ADM: variants seen among roughly 807,000 people sequenced by gnomAD.
ADM encodes the protein adrenomedullin.
ADM carries 4 observed loss-of-function variants against 9.0 expected under a neutral mutation model. That is an observed-to-expected ratio of 0.44 (90% CI 0.22 to 1.02). ADM has a LOEUF of 1.02. ADM is among the 50% of genes least tolerant of loss of function. The pLI is 0.24. For synonymous variants in ADM, 107 were observed against 107.2 expected (o/e 1.00, Z 0.01); for missense variants, 253 against 254.1 (o/e 1.00, Z 0.03).
rs1964640374 is a variant in ADM at position 10,305,217 on chromosome 11, ACTCT to A, written c.-31_-28del. The A allele has an allele frequency of 6.1e-6, 1 of 165,218 alleles. No individual in the cohort carries two copies. The highest frequency in any genetic ancestry group is 2.4e-5 in the African/African-American group (1 of 41,416). The allele number at this position is 165,218 out of a possible 1,614,324, so 10.2% of individuals were successfully genotyped here. ...TTCTCCTTCAAGTACTTGGCAGATCACTCTCTTAGCAGGTAGGTGCCGCAGACCC... is the reference window on the plus strand; with the variant it reads ...TTCTCCTTCAAGTACTTGGCAGATCACTTAGCAGGTAGGTGCCGCAGACCC... On this transcript the variant is annotated 5_prime_UTR_variant, in exon 1 of 4. Coordinates refer to ENST00000278175, the MANE Select transcript of ADM (RefSeq NM_001124.3).
chr11:10,305,335 T>C (rs1468482307), intron 1 of ADM, 106 bp downstream of exon 1: 1 of 252,120 alleles, frequency 4.0e-6, no homozygotes, highest in Admixed American at 5.0e-5. Flanking sequence ...CTTTGGAGGG[T>C]TCTCTGAGAG....
chr11:10,306,913 C>A lies in ADM; in HGVS notation c.*272C>A, dbSNP rs1964667340. The A allele has an allele frequency of 5.5e-6, 2 of 361,940 alleles. No individual in the cohort carries two copies. The allele number at this position is 361,940 out of a possible 1,614,324, so 22.4% of individuals were successfully genotyped here. A position where few individuals can be genotyped will look rare whatever the true frequency, so the allele number is the denominator to read the frequency against. On this transcript the variant is annotated 3_prime_UTR_variant, in exon 4 of 4. Transcript: ENST00000278175. ...TTGCCAGGCTTAAGGAGAGGAGAAA[C>A]TGAGAAATGAATGCTGAGACCCCCG...
chr11:10,306,311 T>TCCCCCTC, intron 3 of ADM, 21 bp from the exon 4 acceptor site: 1 of 1,543,790 alleles, frequency 6.5e-7, no homozygotes, highest in Non-Finnish European at 8.9e-7. Context: ...TTGCCTTTCT[T>TCCCCCTC]CCCCCTCCCC....
Position 10,305,244 on chromosome 11 carries a change from C to A in ADM, c.-22+15C>A, listed in dbSNP as rs1275889210. 2.9e-5 allele frequency: 5 copies of A among 173,414 alleles called. No homozygotes were observed. Among genetic ancestry groups the A allele is most frequent in the African/African-American group, 1.2e-4 (5 of 41,610 alleles). 10.7% of individuals were successfully genotyped at this position (173,414 alleles called of 1,614,324 possible). A position where few individuals can be genotyped will look rare whatever the true frequency, so the allele number is the denominator to read the frequency against. ...TCTCTTAGCAGGTAGGTGCCGCAGA[C>A]CCTGCGGGTTAAGAGGTGGGGTGGG... On this transcript the variant is annotated intron_variant, in intron 1 of 3. Coordinates refer to ENST00000278175, the MANE Select transcript of ADM (RefSeq NM_001124.3).
Position 10,306,317 on chromosome 11 carries a change from T to TGGGGGG in ADM, c.249-15_249-14insGGGGGG. ...GGTCTCAAGTTGCCTTTCTTCCCCC[T>TGGGGGG]CCCCCCGCCCGCAGCAGTCCGGATG... On this transcript the variant is annotated splice_polypyrimidine_tract_variant and intron_variant, in intron 3 of 3. Coordinates refer to ENST00000278175, the MANE Select transcript of ADM (RefSeq NM_001124.3). The TGGGGGG allele has an allele frequency of 2.2e-4, 139 of 634,688 alleles. No individual in the cohort carries two copies. The highest frequency in any genetic ancestry group is 3.1e-4 in the Non-Finnish European group (129 of 409,826). 39.3% of individuals were successfully genotyped at this position (634,688 alleles called of 1,614,324 possible). A position where few individuals can be genotyped will look rare whatever the true frequency, so the allele number is the denominator to read the frequency against.
At chr11:10,306,236 T>G in intron 3 of ADM, 96 bp from the exon 4 acceptor site, 1 of 1,543,732 alleles carries the variant, frequency 6.5e-7, no homozygotes, top group East Asian at 2.3e-5. Context: ...TCCAGCTCCC[T>G]CTGGCTCTAG....
In ADM at chr11:10,306,333, A is replaced by G; in HGVS notation, c.250A>G (p.Ser84Gly). The change falls in exon 4 of 4, where the codon AGT becomes GGT. Residue 84 changes from serine (S) to glycine (G), a missense_variant and splice_region_variant. Coordinates refer to ENST00000278175, the MANE Select transcript of ADM (RefSeq NM_001124.3). ...TCTTCCCCCTCCCCCCGCCCGCAGC[A>G]GTCCGGATGCCGCCCGCATCCGAGT... is the stretch of plus-strand genomic sequence containing the variant. ...KGASRSPEDS[S>G]PDAARIRVKR... 1.2e-6 allele frequency: 1 copy of G among 847,842 alleles called. No individual in the cohort carries two copies. Among genetic ancestry groups the G allele is most frequent in the Non-Finnish European group, 1.7e-6 (1 of 583,936 alleles). The allele number at this position is 847,842 out of a possible 1,614,324, so 52.5% of individuals were successfully genotyped here.
At chr11:10,306,221 C>G in intron 3 of ADM, 111 bp from the exon 4 acceptor site, 2 of 1,531,208 alleles carry the variant, frequency 1.3e-6, no homozygotes, top group Middle Eastern at 1.7e-4. Flanking sequence ...ATGGCGCGAG[C>G]AGTTTCCAGC....
Position 10,306,787 on chromosome 11 carries a change from G to C in ADM, c.*146G>C, listed in dbSNP as rs571734375. ...TCCGGGAGGCACCGTCCGGCGGCGA[G>C]CTCTGGCTTTGCAAGGGCCCCTCCT... On this transcript the variant is annotated 3_prime_UTR_variant, in exon 4 of 4. Transcript: ENST00000278175. 4 of 804,230 alleles carry C rather than the reference G, an allele frequency of 5.0e-6. No homozygotes were observed. The highest frequency in any genetic ancestry group is 7.3e-6 in the Non-Finnish European group (4 of 546,214). The allele number at this position is 804,230 out of a possible 1,614,324, so 49.8% of individuals were successfully genotyped here.
rs2133661744 is a variant in ADM at position 10,307,313 on chromosome 11, A to G, written c.*672A>G. 6.5e-6 allele frequency: 1 copy of G among 152,790 alleles called. No homozygotes were observed. The highest frequency in any genetic ancestry group is 2.4e-5 in the African/African-American group (1 of 41,582). The allele number at this position is 152,790 out of a possible 1,614,324, so 9.5% of individuals were successfully genotyped here. A position where few individuals can be genotyped will look rare whatever the true frequency, so the allele number is the denominator to read the frequency against. On this transcript the variant is annotated 3_prime_UTR_variant, in exon 4 of 4. Coordinates refer to ENST00000278175, the MANE Select transcript of ADM (RefSeq NM_001124.3). This position sits in a 1 kb window ranked among gnomAD's most constrained non-coding sequence, Gnocchi z 4.5. ...AGACTGATTACCTCCTGTGTGGAAG[A>G]AGGAAACACCGAGTCTCTGTATAAT...
Position 10,306,603 on chromosome 11 carries a change from C to G in ADM, c.520C>G (p.Pro174Ala), listed in dbSNP as rs781336657. The change falls in exon 4 of 4, where the codon CCA (proline) becomes GCA (alanine). Residue 174 changes from proline (P) to alanine (A), a missense_variant. Physicochemically the swap from Pro to Ala is conservative, Grantham distance 27. Transcript: ENST00000278175. ...VSSKPQAHGA[P>A]APPSGSAPHF... is the part of the protein sequence containing the mutation. ...TTCTAAGCCACAAGCACACGGGGCT[C>G]CAGCCCCCCCGAGTGGAAGTGCTCC... 4.4e-6 allele frequency: 7 copies of G among 1,575,406 alleles called. No individual in the cohort carries two copies. In the South Asian group the frequency reaches 6.9e-5, roughly 16 times the overall value.
At position 10,306,379 on chromosome 11, in the gene ADM, T is replaced by G. The variant is rs777250833; in HGVS notation, c.296T>G (p.Met99Arg). ...CGAGTCAAGCGCTACCGCCAGAGCA[T>G]GAACAACTTCCAGGGCCTCCGGAGC... Reference protein sequence around the residue: ...RIRVKRYRQSMNNFQGLRSFG... With the variant: ...RIRVKRYRQSRNNFQGLRSFG... Residue 99 changes from methionine to arginine, a missense_variant, in exon 4 of 4, where the codon ATG becomes AGG. Met to Arg is a moderately conservative substitution (Grantham distance 91). Coordinates refer to ENST00000278175, the MANE Select transcript of ADM (RefSeq NM_001124.3). 1.4e-6 allele frequency: 2 copies of G among 1,415,898 alleles called. No individual in the cohort carries two copies. The highest frequency in any genetic ancestry group is 2.3e-5 in the South Asian group (2 of 88,488). 87.7% of individuals were successfully genotyped at this position (1,415,898 alleles called of 1,614,324 possible). A position where few individuals can be genotyped will look rare whatever the true frequency, so the allele number is the denominator to read the frequency against.
Position 10,306,719 on chromosome 11 carries a change from C to A in ADM, c.*78C>A. ...CTCCCGGGACGAAGGACTTCCCGAG[C>A]GGTGTGGGGACCGGGCTCTGACAGC... On this transcript the variant is annotated 3_prime_UTR_variant, in exon 4 of 4. Transcript: ENST00000278175. The A allele has an allele frequency of 7.1e-7, 1 of 1,418,132 alleles. No individual in the cohort carries two copies. The highest frequency in any genetic ancestry group is 9.4e-7 in the Non-Finnish European group (1 of 1,060,328). The allele number at this position is 1,418,132 out of a possible 1,614,324, so 87.8% of individuals were successfully genotyped here. A position where few individuals can be genotyped will look rare whatever the true frequency, so the allele number is the denominator to read the frequency against.
chr11:10,306,201 C>G (rs775665147), intron 3 of ADM, 103 bp downstream of exon 3: 19 of 1,541,998 alleles, frequency 1.2e-5, no homozygotes, highest in Non-Finnish European at 1.7e-5. Context: ...GGGGCTGGAC[C>G]GCAGCTCAGA....
rs371681360 is a variant in ADM at position 10,306,499 on chromosome 11, G to A, written c.416G>A (p.Ser139Asn). Residue 139 changes from serine to asparagine, a missense_variant, in exon 4 of 4, where the codon AGC becomes AAC. By Grantham distance (46) the Ser-to-Asn change is conservative. Coordinates refer to ENST00000278175, the MANE Select transcript of ADM (RefSeq NM_001124.3). ...GACAAGGACAACGTCGCCCCCAGGA[G>A]CAAGATCAGCCCCCAGGGCTACGGC... ...DKDKDNVAPR[S>N]KISPQGYGRR... 27 of 1,611,786 alleles carry A rather than the reference G, an allele frequency of 1.7e-5. No homozygotes were observed. Among genetic ancestry groups the A allele is most frequent in the East Asian group, 1.3e-4 (6 of 44,824 alleles).
chr11:10,306,312 C>CGGGCGCG lies in ADM; in HGVS notation c.249-20_249-19insGGGCGCG. The stretch of plus-strand genomic sequence containing the variant: ...GATGGGGTCTCAAGTTGCCTTTCTT[C>CGGGCGCG]CCCCTCCCCCCGCCCGCAGCAGTCC... On this transcript the variant is annotated intron_variant, in intron 3 of 3. Transcript: ENST00000278175. 1 of 705,914 alleles carries CGGGCGCG rather than the reference C, an allele frequency of 1.4e-6. No homozygotes were observed. The highest frequency in any genetic ancestry group is 2.3e-6 in the Non-Finnish European group (1 of 429,190). 43.7% of individuals were successfully genotyped at this position (705,914 alleles called of 1,614,324 possible).
chr11:10,305,327 T>G, intron 1 of ADM, 98 bp downstream of exon 1: 1 of 230,342 alleles, frequency 4.3e-6, no homozygotes, highest in Non-Finnish European at 8.7e-6. Context: ...ACAACCCACT[T>G]TGGAGGGTTC....
chr11:10,306,153 A>C, intron 3 of ADM, 55 bp downstream of exon 3: 1 of 1,595,756 alleles, frequency 6.3e-7, no homozygotes, highest in Non-Finnish European at 8.5e-7. Flanking sequence ...GTGCGGGAGG[A>C]GTTCTCTGTC....
Position 10,305,992 on chromosome 11 carries a change from A to G in ADM, c.142A>G (p.Met48Val). Residue 48 changes from methionine (M) to valine (V), a missense_variant, in exon 3 of 4, where the codon ATG (methionine) becomes GTG (valine). Transcript: ENST00000278175. ...ALSRGKRELR[M>V]SSSYPTGLAD... is the part of the protein sequence containing the mutation. ...GAGTCGTGGGAAGAGGGAACTGCGG[A>G]TGTCCAGCAGCTACCCCACCGGGCT... is the stretch of plus-strand genomic sequence containing the variant. 6.2e-7 allele frequency: 1 copy of G among 1,613,922 alleles called. No individual in the cohort carries two copies. Among genetic ancestry groups the G allele is most frequent in the Non-Finnish European group, 8.5e-7 (1 of 1,180,008 alleles).
Sources: gnomAD v4.1 joint callset for allele counts on GRCh38, gnomAD v4.1.1 for gene constraint, Gnocchi (gnomAD v3.1) non-coding constraint, MANE v1.5 for transcripts, NCBI Gene and HGNC (gene_info 2026-07-23, HGNC 2026-07-21) for gene names.